Variants in DGKB observed in about 807,000 individuals in gnomAD.
DGKB encodes 90 kDa diacylglycerol kinase.
In DGKB, 67 loss-of-function variants were observed where a neutral mutation model predicts 114.3. The ratio of observed to expected loss-of-function variants is 0.59; its 90% confidence interval spans 0.48 to 0.72. The LOEUF is 0.72. Among genes scored for constraint, DGKB ranks in the 30% least tolerant of loss-of-function variants. The pLI, the probability that DGKB is intolerant of heterozygous loss-of-function variation, is 0.00. For missense variants in DGKB, 907 were observed against 975.2 expected (o/e 0.93, Z 0.93); for synonymous variants, 398 against 323.1 (o/e 1.23, Z -2.49).
intron 2 of DGKB, among the ~76,000 whole-genome samples, chr7:14,770,523 T>C (rs1837257737): frequency 6.6e-6 from 1 of 152,128 alleles, no homozygotes; most frequent in Non-Finnish European, 1.5e-5. Context: ...AAATGAAGAA[T>C]AGATAGTCAA....
At position 14,148,152 on chromosome 7, in the gene DGKB, T is replaced by TTGTC. The variant is rs945262290; in HGVS notation, c.*975_*978dup. The TTGTC allele has an allele frequency of 3.5e-4, 54 of 152,700 alleles. No homozygotes were observed. The highest frequency in any genetic ancestry group is 1.2e-3 in the African/African-American group (51 of 41,584). The allele number at this position is 152,700 out of a possible 1,614,324, so 9.5% of individuals were successfully genotyped here. Reference sequence around the variant, plus strand: ...AGCTTTGATTGTGTTGTCTGGCTTATTGTCTGTCTGTGAAAGGTGAGAATT... The same window carrying TTGTC: ...AGCTTTGATTGTGTTGTCTGGCTTATTGTCTGTCTGTCTGTGAAAGGTGAGAATT... On this transcript the variant is annotated 3_prime_UTR_variant, in exon 26 of 26. Transcript: ENST00000402815.
At chr7:14,198,374 G>C (rs1421218035) in intron 23 of DGKB, among the ~76,000 whole-genome samples, 1 of 151,984 alleles carries the variant, frequency 6.6e-6, no homozygotes, top group Non-Finnish European at 1.5e-5. Flanking sequence ...GTTGAGGCTG[G>C]CAGAAGACAT....
At chr7:14,221,387 G>T (rs935745804) in intron 23 of DGKB, among the ~76,000 whole-genome samples, 3 of 151,184 alleles carry the variant, frequency 2.0e-5, no homozygotes. Flanking sequence ...TATAAAAATT[G>T]TTAAGTTTTG....
chr7:14,812,460 C>A (rs922616799), intron 2 of DGKB, among the ~76,000 whole-genome samples: 1 of 152,052 alleles, frequency 6.6e-6, no homozygotes, highest in African/African-American at 2.4e-5. Flanking sequence ...GATACATTCA[C>A]TCACGTGGAC....
intron 22 of DGKB, among the ~76,000 whole-genome samples, chr7:14,344,804 A>G (rs2128590906): frequency 1.3e-5 from 2 of 151,516 alleles, no homozygotes; most frequent in East Asian, 3.9e-4. Context: ...ACTTTCTATA[A>G]ATGTAATGGG....
chr7:14,673,155 AAC>A (rs1287109973), intron 12 of DGKB, 128 bp from the exon 13 acceptor site: 9 of 582,832 alleles, frequency 1.5e-5, no homozygotes, highest in African/African-American at 1.1e-4. Context: ...AGAACAAATA[AAC>A]AGAGTCATAA....
Position 14,627,701 on chromosome 7 carries a change from T to C in DGKB, c.1167+2535A>G, listed in dbSNP as rs187063357. On this transcript the variant is annotated intron_variant, in intron 14 of 25. Transcript: ENST00000402815. Reference sequence around the variant, plus strand: ...GCTCACACCTGTAATCTCAGCACTTTGGGAGGCTGAGGAGGGCAGATCACG... The same window carrying C: ...GCTCACACCTGTAATCTCAGCACTTCGGGAGGCTGAGGAGGGCAGATCACG... 6.8e-3 allele frequency among the ~76,000 whole-genome samples: 1,033 copies of C among 151,980 alleles called. 8 individuals are homozygous for C. Among genetic ancestry groups the C allele is most frequent in the Non-Finnish European group, 9.6e-3 (653 of 67,960 alleles).
chr7:14,764,200 TTAGC>T lies in DGKB; in HGVS notation c.71-6473_71-6470del, dbSNP rs1374127082. ...GAGAAGATTTTTCTAATTTAAATAC[TTAGC>T]TAGCATTAATGTGCAGACGCATTAA... On this transcript the variant is annotated intron_variant, in intron 2 of 25. Coordinates refer to ENST00000402815, the MANE Select transcript of DGKB (RefSeq NM_001350709.2). Among the ~76,000 whole-genome samples the T allele has an allele frequency of 1.3e-5, 2 of 151,922 alleles. 1 individual carries two copies.
intron 23 of DGKB, among the ~76,000 whole-genome samples, chr7:14,193,119 C>T (rs1784537045): frequency 6.6e-6 from 1 of 151,404 alleles, no homozygotes. Flanking sequence ...TAATAGGCCA[C>T]AGACCCATAC....
At chr7:14,694,950 T>A (rs779736475) in intron 8 of DGKB, among the ~76,000 whole-genome samples, 1 of 152,156 alleles carries the variant, frequency 6.6e-6, no homozygotes, top group African/African-American at 2.4e-5. Flanking sequence ...GCAAAGTACT[T>A]CCCATCTAAT....
At chr7:14,175,740 C>T (rs933682703) in intron 25 of DGKB, among the ~76,000 whole-genome samples, 2 of 152,044 alleles carry the variant, frequency 1.3e-5, no homozygotes, top group Non-Finnish European at 2.9e-5. Flanking sequence ...CTCTGTCTAC[C>T]TTTTCTACTT....
At chr7:14,245,642 T>C (rs1022861508) in intron 23 of DGKB, among the ~76,000 whole-genome samples, 1 of 152,152 alleles carries the variant, frequency 6.6e-6, no homozygotes, top group Non-Finnish European at 1.5e-5. Context: ...TTTAACATGA[T>C]TTCTGCCAGG....
chr7:14,600,650 G>C (rs1436775699), intron 17 of DGKB, among the ~76,000 whole-genome samples: 1 of 152,112 alleles, frequency 6.6e-6, no homozygotes, highest in East Asian at 1.9e-4. Context: ...CATTGAAAAG[G>C]GATAAATAGG....
chr7:14,446,749 G>C (rs766680263), intron 21 of DGKB, among the ~76,000 whole-genome samples: 33 of 152,128 alleles, frequency 2.2e-4, no homozygotes, highest in Non-Finnish European at 4.4e-4. Context: ...GGGACACATA[G>C]AGGCTCATAT....
At chr7:14,438,672 G>A (rs1450205970) in intron 21 of DGKB, among the ~76,000 whole-genome samples, 1 of 152,084 alleles carries the variant, frequency 6.6e-6, no homozygotes, top group African/African-American at 2.4e-5. Context: ...ATAGTTAGAT[G>A]CAATATTTTA....
chr7:14,311,928 G>A (rs1295609191), intron 23 of DGKB, among the ~76,000 whole-genome samples: 1 of 152,040 alleles, frequency 6.6e-6, no homozygotes, highest in Non-Finnish European at 1.5e-5. Flanking sequence ...ATAAAAATAT[G>A]GATAGATAAT....
intron 20 of DGKB, among the ~76,000 whole-genome samples, chr7:14,501,179 T>C (rs1786110786): frequency 6.6e-6 from 1 of 151,704 alleles, no homozygotes; most frequent in African/African-American, 2.4e-5. Context: ...AATCACAAGG[T>C]TGTGACTGTA....
chr7:14,907,159 G>A (rs1403822382), upstream of DGKB, among the ~76,000 whole-genome samples: 6 of 152,136 alleles, frequency 3.9e-5, no homozygotes, highest in African/African-American at 9.7e-5. Flanking sequence ...TGATATTATT[G>A]CACTCCCCTT....
At chr7:14,192,871 G>T (rs1484288456) in intron 23 of DGKB, among the ~76,000 whole-genome samples, 2 of 150,322 alleles carry the variant, frequency 1.3e-5, no homozygotes, top group Non-Finnish European at 2.9e-5. Flanking sequence ...CCATCTAGGG[G>T]TGATGGGAAA....
Sources: allele counts gnomAD v4.1 joint callset (sites outside exome capture counted in the v4.1 genomes callset), GRCh38; gene constraint gnomAD v4.1.1; transcripts MANE v1.5; gene names NCBI Gene and HGNC (gene_info 2026-07-23, HGNC 2026-07-21).